Variants in UGT2B17 observed in about 807,000 individuals in gnomAD.
UGT2B17 encodes the protein UDP glucuronosyltransferase family 2 member B17, also known as UDP-glucuronosyltransferase 2B17.
Under a neutral mutation model 48.2 loss-of-function variants are expected in UGT2B17, and 21 were observed. That is an observed-to-expected ratio of 0.44 (90% CI 0.31 to 0.63). The LOEUF (loss-of-function observed/expected upper bound fraction) is 0.63. UGT2B17 is among the 20% of genes least tolerant of loss of function. UGT2B17 has a pLI of 0.08. For synonymous variants in UGT2B17, 146 were observed against 238.4 expected (o/e 0.61, Z 3.57); for missense variants, 402 against 696.1 (o/e 0.58, Z 4.75).
rs905124802 is a variant in UGT2B17, at chr4:68,552,689, G to A, written c.1006-778C>T. Among the ~76,000 whole-genome samples the A allele has an allele frequency of 6.4e-5, 8 of 125,640 alleles. 1 individual carries two copies. The highest frequency in any genetic ancestry group is 8.4e-5 in the Non-Finnish European group (5 of 59,428). The allele number at this position is 125,640 out of a possible 152,430, so 82.4% of individuals were successfully genotyped here. A position where few individuals can be genotyped will look rare whatever the true frequency, so the allele number is the denominator to read the frequency against. ...CTGACCTTTGATAAATGTCCTGTCA[G>A]TGCTTGGTACCAGCATGAGCTAACT... is the stretch of plus-strand genomic sequence containing the variant. On this transcript the variant is annotated intron_variant, in intron 4 of 6. Coordinates refer to ENST00000317746, the MANE Select transcript of UGT2B17 (RefSeq NM_001077.4).
At position 68,571,604 on chromosome 4, in the gene UGT2B17, C is replaced by T. The variant is rs1200293923; in HGVS notation, c.-64-3056G>A. ...TCCTTCTTTAGCTATGCAATACTGT[C>T]TAATAATTGAGACTTTTAGAACCTA... is the stretch of plus-strand genomic sequence containing the variant. On this transcript the variant is annotated intron_variant, in intron 1 of 6. Coordinates refer to ENST00000317746, the MANE Select transcript of UGT2B17 (RefSeq NM_001077.4). Among the ~76,000 whole-genome samples the T allele has an allele frequency of 1.6e-5, 2 of 125,976 alleles. 1 individual carries two copies. The highest frequency in any genetic ancestry group is 3.4e-5 in the Non-Finnish European group (2 of 59,544). 82.6% of individuals were successfully genotyped at this position (125,976 alleles called of 152,430 possible). A position where few individuals can be genotyped will look rare whatever the true frequency, so the allele number is the denominator to read the frequency against.
Position 68,547,030 on chromosome 4 carries a change from C to T in UGT2B17, c.1313+3647G>A, listed in dbSNP as rs1730825704. On this transcript the variant is annotated intron_variant, in intron 6 of 6. Coordinates refer to ENST00000317746, the MANE Select transcript of UGT2B17 (RefSeq NM_001077.4). ...GGTAATTTATAGATCCAATGCCATC[C>T]CCATCAAGCTACCAATGACTTTCTT... Among the ~76,000 whole-genome samples, 2 of 120,152 alleles carry T rather than the reference C, an allele frequency of 1.7e-5. 1 individual carries two copies. Among genetic ancestry groups the T allele is most frequent in the Non-Finnish European group, 3.5e-5 (2 of 57,470 alleles). The allele number at this position is 120,152 out of a possible 152,430, so 78.8% of individuals were successfully genotyped here.
At position 68,551,782 on chromosome 4, in the gene UGT2B17, G is replaced by T. The variant is rs779858336; in HGVS notation, c.1093+42C>A. On this transcript the variant is annotated intron_variant, in intron 5 of 6. Coordinates refer to ENST00000317746, the MANE Select transcript of UGT2B17 (RefSeq NM_001077.4). ...GTTGAAATATTATCACTTCTAATTG[G>T]CTGTTACTAATATATTCAGTATTTG... 3 of 1,130,606 alleles carry T rather than the reference G, an allele frequency of 2.7e-6. 1 individual carries two copies. Among genetic ancestry groups the T allele is most frequent in the Non-Finnish European group, 3.5e-6 (3 of 856,316 alleles). 70.0% of individuals were successfully genotyped at this position (1,130,606 alleles called of 1,614,324 possible). A position where few individuals can be genotyped will look rare whatever the true frequency, so the allele number is the denominator to read the frequency against.
Position 68,548,461 on chromosome 4 carries a change from A to T in UGT2B17, c.1313+2216T>A, listed in dbSNP as rs1220240343. Among the ~76,000 whole-genome samples the T allele has an allele frequency of 7.2e-5, 9 of 124,924 alleles. 2 individuals carry two copies. Among genetic ancestry groups the T allele is most frequent in the Admixed American group, 3.3e-4 (4 of 12,070 alleles). 82.0% of individuals were successfully genotyped at this position (124,924 alleles called of 152,430 possible). A position where few individuals can be genotyped will look rare whatever the true frequency, so the allele number is the denominator to read the frequency against. On this transcript the variant is annotated intron_variant, in intron 6 of 6. Coordinates refer to ENST00000317746, the MANE Select transcript of UGT2B17 (RefSeq NM_001077.4). ...GAGTGGGGAGGGATAGCATTAGGAGATACACTTAATGTTAAATGACGAGTT... is the reference window on the plus strand; with the variant it reads ...GAGTGGGGAGGGATAGCATTAGGAGTTACACTTAATGTTAAATGACGAGTT...
intron 6 of UGT2B17, among the ~76,000 whole-genome samples, chr4:68,538,519 T>A (rs1216998381): frequency 7.9e-6 from 1 of 126,130 alleles, no homozygotes; most frequent in African/African-American, 2.7e-5. Context: ...CCTACAGACA[T>A]GAACCACTGT....
chr4:68,552,031 G>A (rs1420878687), intron 4 of UGT2B17, 120 bp from the exon 5 acceptor site: 2 of 696,786 alleles, frequency 2.9e-6, no homozygotes, highest in African/African-American at 1.9e-5. Context: ...ATAAGAAGAA[G>A]TGATGTCAAG....
In UGT2B17 at chr4:68,553,984, C is replaced by G. The variant is rs1456836061; in HGVS notation, c.1006-2073G>C. Among the ~76,000 whole-genome samples the G allele has an allele frequency of 1.6e-5, 2 of 124,834 alleles. 1 individual carries two copies. Among genetic ancestry groups the G allele is most frequent in the Non-Finnish European group, 3.4e-5 (2 of 59,138 alleles). 81.9% of individuals were successfully genotyped at this position (124,834 alleles called of 152,430 possible). A position where few individuals can be genotyped will look rare whatever the true frequency, so the allele number is the denominator to read the frequency against. Reference sequence around the variant, plus strand: ...CTTGGGTTTGACCCCCTATGACATGCAGTGGTCCTGCAGGGAAATCCCCAA... The same window carrying G: ...CTTGGGTTTGACCCCCTATGACATGGAGTGGTCCTGCAGGGAAATCCCCAA... On this transcript the variant is annotated intron_variant, in intron 4 of 6. Transcript: ENST00000317746.
chr4:68,572,429 T>C (rs1731310107), intron 1 of UGT2B17, among the ~76,000 whole-genome samples: 2 of 126,758 alleles, frequency 1.6e-5, no homozygotes, highest in African/African-American at 5.4e-5. Context: ...TTGGATAGAA[T>C]AGCATTATAC....
At chr4:68,545,120 C>A (rs1171584894) in intron 6 of UGT2B17, among the ~76,000 whole-genome samples, 1 of 126,060 alleles carries the variant, frequency 7.9e-6, no homozygotes, top group Non-Finnish European at 1.7e-5. Context: ...ACAGAATGTA[C>A]ATTCTTTTCA....
In UGT2B17 at chr4:68,564,584, C is replaced by T. The variant is rs1223053615; in HGVS notation, c.873+988G>A. The stretch of plus-strand genomic sequence containing the variant: ...GATTACAGGTGTAAGCCACCACGCC[C>T]GGCCCATCATTGACTTTTACTCAAC... On this transcript the variant is annotated intron_variant, in intron 3 of 6. Coordinates refer to ENST00000317746, the MANE Select transcript of UGT2B17 (RefSeq NM_001077.4). Among the ~76,000 whole-genome samples the T allele has an allele frequency of 8.8e-5, 11 of 125,012 alleles. 3 individuals carry two copies. Among genetic ancestry groups the T allele is most frequent in the African/African-American group, 2.2e-4 (8 of 36,578 alleles). The allele number at this position is 125,012 out of a possible 152,430, so 82.0% of individuals were successfully genotyped here.
rs1312335253 is a variant in UGT2B17, at chr4:68,555,800, C to A, written c.1006-3889G>T. On this transcript the variant is annotated intron_variant, in intron 4 of 6. Coordinates refer to ENST00000317746, the MANE Select transcript of UGT2B17 (RefSeq NM_001077.4). ...AAAACATTCTTTCCAAAAAAAAGTG[C>A]ATCTTTTTTAAAAAGGTGAAGAAGT... Among the ~76,000 whole-genome samples the A allele has an allele frequency of 2.4e-5, 3 of 123,838 alleles. 1 individual carries two copies. In the Admixed American group the frequency reaches 2.5e-4, roughly 10 times the overall value. The allele number at this position is 123,838 out of a possible 152,430, so 81.2% of individuals were successfully genotyped here.
rs1238411335 is a variant in UGT2B17, at chr4:68,538,868, C to T, written c.1314-964G>A. 1.6e-5 allele frequency among the ~76,000 whole-genome samples: 2 copies of T among 125,612 alleles called. 1 individual carries two copies. Among genetic ancestry groups the T allele is most frequent in the African/African-American group, 5.5e-5 (2 of 36,682 alleles). The allele number at this position is 125,612 out of a possible 152,430, so 82.4% of individuals were successfully genotyped here. ...ACTCCTGAAGGTGTTCTCACCTTAG[C>T]CCGTTTACACCTTTTGTTCCCCGTG... On this transcript the variant is annotated intron_variant, in intron 6 of 6. Coordinates refer to ENST00000317746, the MANE Select transcript of UGT2B17 (RefSeq NM_001077.4).
chr4:68,566,067 T>C lies in UGT2B17; in HGVS notation c.725-347A>G, dbSNP rs1731195513. On this transcript the variant is annotated intron_variant, in intron 2 of 6. Coordinates refer to ENST00000317746, the MANE Select transcript of UGT2B17 (RefSeq NM_001077.4). Reference sequence around the variant, plus strand: ...TAATAAAATTTTATTAATTTTATTTTATTAATAAAACATTAATAAAGTTAA... The same window carrying C: ...TAATAAAATTTTATTAATTTTATTTCATTAATAAAACATTAATAAAGTTAA... 1.7e-5 allele frequency among the ~76,000 whole-genome samples: 2 copies of C among 119,062 alleles called. 1 individual carries two copies. The highest frequency in any genetic ancestry group is 7.5e-4 in the South Asian group (2 of 2,664). The allele number at this position is 119,062 out of a possible 152,430, so 78.1% of individuals were successfully genotyped here.
rs1730672382 is a variant in UGT2B17 at position 68,542,197 on chromosome 4, T to A, written c.1314-4293A>T. ...ATGGTTGTAGATGTGTAATGTTATTTCTGAGGCGTATGTTCTGTTCCATTG... is the reference window on the plus strand; with the variant it reads ...ATGGTTGTAGATGTGTAATGTTATTACTGAGGCGTATGTTCTGTTCCATTG... On this transcript the variant is annotated intron_variant, in intron 6 of 6. Coordinates refer to ENST00000317746, the MANE Select transcript of UGT2B17 (RefSeq NM_001077.4). Among the ~76,000 whole-genome samples, 2 of 126,684 alleles carry A rather than the reference T, an allele frequency of 1.6e-5. 1 individual carries two copies. Among genetic ancestry groups the A allele is most frequent in the South Asian group, 7.3e-4 (2 of 2,746 alleles). 83.1% of individuals were successfully genotyped at this position (126,684 alleles called of 152,430 possible).
At chr4:68,549,039 C>A (rs1274547449) in intron 6 of UGT2B17, among the ~76,000 whole-genome samples, 1 of 124,614 alleles carries the variant, frequency 8.0e-6, no homozygotes, top group Non-Finnish European at 1.7e-5. Context: ...TTTAAATCCA[C>A]CATTTTATTC....
At chr4:68,571,730 G>T (rs964632595) in intron 1 of UGT2B17, among the ~76,000 whole-genome samples, 3 of 125,976 alleles carry the variant, frequency 2.4e-5, no homozygotes, top group African/African-American at 8.2e-5. Context: ...TACTGTTATG[G>T]TTCCTCCACA....
intron 6 of UGT2B17, among the ~76,000 whole-genome samples, chr4:68,547,756 G>A (rs1460030935): frequency 7.9e-6 from 1 of 126,348 alleles, no homozygotes; most frequent in African/African-American, 2.7e-5. Context: ...TCATCAGCTT[G>A]TGGGTGAAGG....
At chr4:68,563,143 T>A (rs1409135465) in intron 3 of UGT2B17, among the ~76,000 whole-genome samples, 1 of 127,454 alleles carries the variant, frequency 7.8e-6, no homozygotes, top group African/African-American at 2.7e-5. Context: ...AAACACTTGA[T>A]ACTTTTTGGC....
chr4:68,547,263 T>A lies in UGT2B17; in HGVS notation c.1313+3414A>T, dbSNP rs1268933477. 2.4e-5 allele frequency among the ~76,000 whole-genome samples: 3 copies of A among 124,366 alleles called. 1 individual carries two copies. Among genetic ancestry groups the A allele is most frequent in the Non-Finnish European group, 5.1e-5 (3 of 59,052 alleles). 81.6% of individuals were successfully genotyped at this position (124,366 alleles called of 152,430 possible). On this transcript the variant is annotated intron_variant, in intron 6 of 6. Transcript: ENST00000317746. ...TGGAACAGAACAGAGCCCTCAGAAA[T>A]AATGCCACACATCTACAACTATCTG...
Sources: gnomAD v4.1 joint callset for allele counts (sites outside exome capture counted in the v4.1 genomes callset) on GRCh38, gnomAD v4.1.1 for gene constraint, MANE v1.5 for transcripts, NCBI Gene and HGNC (gene_info 2026-07-23, HGNC 2026-07-21) for gene names.